The following RNF121 variants were observed in gnomAD, a reference collection of about 807,000 sequenced individuals.
The protein encoded by RNF121 is ring finger protein 121.
In RNF121, 21 loss-of-function variants were observed where a neutral mutation model predicts 46.5. The observed-to-expected ratio is 0.45, with a 90% CI of 0.32 to 0.65. The LOEUF (loss-of-function observed/expected upper bound fraction) is 0.65, where lower values mean the gene tolerates loss of function less well. Ranked by LOEUF, RNF121 falls within the 30% of genes least tolerant of loss-of-function variation. The pLI is 0.04. For missense variants in RNF121, 346 were observed against 416.0 expected (o/e 0.83, Z 1.46); for synonymous variants, 139 against 144.7 (o/e 0.96, Z 0.28).
intron 1 of RNF121, among the ~76,000 whole-genome samples, chr11:71,932,853 A>T (rs957374354): frequency 6.6e-6 from 1 of 152,226 alleles, no homozygotes; most frequent in African/African-American, 2.4e-5. Flanking sequence ...TGGTTTTTCC[A>T]TACAGGTCCT....
At chr11:71,934,062 C>T (rs1451792032) in intron 1 of RNF121, among the ~76,000 whole-genome samples, 1 of 152,054 alleles carries the variant, frequency 6.6e-6, no homozygotes, top group Non-Finnish European at 1.5e-5. Context: ...CTTTCTTTTC[C>T]CTTATTGCCT....
chr11:71,966,329 A>T (rs1344326310), intron 3 of RNF121, among the ~76,000 whole-genome samples: 2 of 152,006 alleles, frequency 1.3e-5, no homozygotes, highest in Non-Finnish European at 2.9e-5. Context: ...TGATATTTCC[A>T]TTTTTATCGA....
Position 71,990,642 on chromosome 11 carries a change from C to T in RNF121, c.552C>T (p.Phe184=). Residue 184 remains phenylalanine, a synonymous_variant, in exon 6 of 9, where the codon TTC becomes TTT. Transcript: ENST00000361756. ...DAMDFGISLL[F]YGLYYGVLER... is the part of the protein sequence containing the mutation. ...TGGACTTTGGCATCTCCCTTCTCTT[C>T]TATGGCCTCTACTATGGAGTTCTGG... 1 of 1,614,210 alleles carries T rather than the reference C, an allele frequency of 6.2e-7. No individual in the cohort carries two copies. The highest frequency in any genetic ancestry group is 1.6e-4 in the Middle Eastern group (1 of 6,062).
chr11:71,994,927 G>T, intron 7 of RNF121, 75 bp downstream of exon 7: 1 of 1,590,906 alleles, frequency 6.3e-7, no homozygotes, highest in Non-Finnish European at 8.6e-7. Flanking sequence ...AAAGAGGGTG[G>T]TCATGACCCT....
At chr11:71,952,451 A>T (rs1421770852) in intron 1 of RNF121, among the ~76,000 whole-genome samples, 1 of 152,218 alleles carries the variant, frequency 6.6e-6, no homozygotes, top group East Asian at 1.9e-4. Flanking sequence ...TTAATTTTTT[A>T]AAATTTTAAA....
chr11:71,954,415 T>C (rs1338325518), intron 1 of RNF121, among the ~76,000 whole-genome samples: 1 of 152,226 alleles, frequency 6.6e-6, no homozygotes, highest in Non-Finnish European at 1.5e-5. Context: ...CCTTAGTTCT[T>C]GCCCTTCCGA....
chr11:71,945,032 G>T (rs1057050571), intron 1 of RNF121, among the ~76,000 whole-genome samples: 3 of 151,818 alleles, frequency 2.0e-5, no homozygotes, highest in African/African-American at 7.3e-5. Flanking sequence ...CTGTCACCCA[G>T]GCTGGAGTGC....
intron 5 of RNF121, 76 bp downstream of exon 5, chr11:71,987,187 C>A: frequency 2.0e-6 from 2 of 976,612 alleles, no homozygotes; most frequent in South Asian, 2.6e-5. Flanking sequence ...TGTTGCAAGT[C>A]GTGGTTATTA....
intron 1 of RNF121, among the ~76,000 whole-genome samples, chr11:71,947,849 C>A (rs931603615): frequency 6.6e-6 from 1 of 152,126 alleles, no homozygotes; most frequent in African/African-American, 2.4e-5. Context: ...ATTTTGGAGG[C>A]CACTCCAATT....
chr11:71,995,002 C>T, intron 7 of RNF121, 150 bp downstream of exon 7: 1 of 1,097,474 alleles, frequency 9.1e-7, no homozygotes, highest in East Asian at 2.4e-5. Context: ...CTACCCTTTC[C>T]CACAGATCAG....
chr11:71,967,349 G>GT (rs770121817), intron 3 of RNF121, among the ~76,000 whole-genome samples: 77,536 of 100,560 alleles, frequency 0.77, 32,740 homozygotes, highest in Non-Finnish European at 0.89. Context: ...GGTTTTTTTT[G>GT]TTTTTTTTTT....
intron 4 of RNF121, among the ~76,000 whole-genome samples, chr11:71,986,659 C>T (rs1407663682): frequency 6.6e-6 from 1 of 150,414 alleles, no homozygotes; most frequent in African/African-American, 2.4e-5. Context: ...GTCCCAGCTA[C>T]TCAGGAGGCT....
chr11:71,991,529 T>G (rs1375480757), intron 6 of RNF121, among the ~76,000 whole-genome samples: 1 of 152,214 alleles, frequency 6.6e-6, no homozygotes, highest in East Asian at 1.9e-4. Flanking sequence ...TAGGAAAGGT[T>G]CATGATGCTG....
At chr11:71,980,763 G>A (rs1031321873) in intron 3 of RNF121, among the ~76,000 whole-genome samples, 1 of 152,136 alleles carries the variant, frequency 6.6e-6, no homozygotes, top group Non-Finnish European at 1.5e-5. Flanking sequence ...AGTCCCATGT[G>A]GCTGCTGACT....
At chr11:71,934,397 G>A (rs1953352158) in intron 1 of RNF121, among the ~76,000 whole-genome samples, 1 of 152,240 alleles carries the variant, frequency 6.6e-6, no homozygotes, top group Admixed American at 6.5e-5. Flanking sequence ...CATCAAGGAG[G>A]AAGTGGCAGT....
At chr11:71,929,241 T>C (rs1953200997) in intron 1 of RNF121, 117 bp downstream of exon 1, 1 of 1,435,720 alleles carries the variant, frequency 7.0e-7, no homozygotes, top group Non-Finnish European at 9.2e-7. Context: ...GGGAAGGAGC[T>C]GACTAGGGGG....
chr11:71,957,374 A>G, intron 2 of RNF121, 110 bp downstream of exon 2: 2 of 786,686 alleles, frequency 2.5e-6, no homozygotes, highest in Non-Finnish European at 4.7e-6. Flanking sequence ...GCAGTGGCTC[A>G]TGACCGGTAG....
intron 3 of RNF121, among the ~76,000 whole-genome samples, chr11:71,976,494 T>C (rs1301673144): frequency 6.6e-6 from 1 of 151,880 alleles, no homozygotes; most frequent in African/African-American, 2.4e-5. Context: ...TAGCTGGGAC[T>C]GCAGGTGTGC....
intron 3 of RNF121, among the ~76,000 whole-genome samples, chr11:71,975,815 C>T (rs539373262): frequency 3.2e-4 from 48 of 152,252 alleles, no homozygotes; most frequent in African/African-American, 1.1e-3. Flanking sequence ...CTTTGTGCTC[C>T]TCTGAAAGAT....
Sources: gnomAD v4.1 joint callset for allele counts (sites outside exome capture counted in the v4.1 genomes callset) on GRCh38, gnomAD v4.1.1 for gene constraint, MANE v1.5 for transcripts, NCBI Gene and HGNC (gene_info 2026-07-23, HGNC 2026-07-21) for gene names.